ACAN: variants seen among roughly 807,000 people sequenced by gnomAD.
The protein encoded by ACAN is aggrecan, also known as aggrecan core protein.
In ACAN, 47 loss-of-function variants were observed where a neutral mutation model predicts 169.1. The ratio of observed to expected loss-of-function variants is 0.28; its 90% CI spans 0.22 to 0.35. The LOEUF (loss-of-function observed/expected upper bound fraction) is 0.35, where lower values mean the gene tolerates loss of function less well. ACAN is among the 10% of genes least tolerant of loss of function. The pLI is 1.00. For synonymous variants in ACAN, 1,115 were observed against 1,112.2 expected (o/e 1.00, Z -0.05); for missense variants, 2,716 against 2,759.9 (o/e 0.98, Z 0.36).
chr15:88,858,904 C>G lies in ACAN; in HGVS notation c.6319C>G (p.Pro2107Ala). 6.2e-7 allele frequency: 1 copy of G among 1,609,024 alleles called. No homozygotes were observed. ...ATCTAGCAGTGAGACGTCCGCCTAT[C>G]CTGAAGCTGGGTTCGGGGCATCTGC... Reference protein sequence around the residue: ...PESSSETSAYPEAGFGASAAP... With the variant: ...PESSSETSAYAEAGFGASAAP... Residue 2107 changes from proline (P) to alanine (A), a missense_variant, in exon 12 of 19, where the codon CCT (proline) becomes GCT (alanine). This residue lies in a region of ACAN where 1,389 missense variants were observed against 1,363.7 expected (regional missense o/e 1.02). Transcript: ENST00000560601. The surrounding 1 kb of genome is among the most constrained non-coding windows in gnomAD (Gnocchi z 4.0).
chr15:88,820,448 G>T lies in ACAN; in HGVS notation c.-7-15752G>T, dbSNP rs1567166644. Among the ~76,000 whole-genome samples, 3 of 152,274 alleles carry T rather than the reference G, an allele frequency of 2.0e-5. No individual in the cohort carries two copies. The Middle Eastern group carries it at 0.01, about 518-fold the overall frequency. ...AGAGCCTATTCATCACCTACAGAAT[G>T]AAGTCAATTTCTATAGCCCAATCTT... On this transcript the variant is annotated intron_variant, in intron 1 of 18. Coordinates refer to ENST00000560601, the MANE Select transcript of ACAN (RefSeq NM_001369268.1).
chr15:88,865,397 C>T (rs117285575), intron 13 of ACAN, among the ~76,000 whole-genome samples: 4 of 152,206 alleles, frequency 2.6e-5, no homozygotes, highest in Non-Finnish European at 4.4e-5. Context: ...CCAGGTTGGG[C>T]AAGTCACCTC....
At chr15:88,806,175 A>T (rs1254270491) in intron 1 of ACAN, among the ~76,000 whole-genome samples, 1 of 152,204 alleles carries the variant, frequency 6.6e-6, no homozygotes, top group Non-Finnish European at 1.5e-5. Context: ...TTTTGTGAAG[A>T]TTAAAAGACA....
At chr15:88,864,431 C>A (rs1897250496) in intron 13 of ACAN, among the ~76,000 whole-genome samples, 1 of 152,036 alleles carries the variant, frequency 6.6e-6, no homozygotes, top group Non-Finnish European at 1.5e-5. Flanking sequence ...CCACGCCTGC[C>A]TAATTTTTTG....
At chr15:88,835,891 G>A (rs1163136920) in intron 1 of ACAN, among the ~76,000 whole-genome samples, 4 of 152,118 alleles carry the variant, frequency 2.6e-5, no homozygotes, top group African/African-American at 9.7e-5. Flanking sequence ...GGTTGCCCCG[G>A]CCCAGTCAGG....
chr15:88,826,953 T>C (rs1308085698), intron 1 of ACAN, among the ~76,000 whole-genome samples: 1 of 152,222 alleles, frequency 6.6e-6, no homozygotes, highest in Non-Finnish European at 1.5e-5. Context: ...AGCCACTCAC[T>C]ATCTGTGTGA....
Position 88,826,279 on chromosome 15 carries a change from T to G in ACAN, c.-7-9921T>G, listed in dbSNP as rs73457598. Reference sequence around the variant, plus strand: ...TCAGAAATGACTTGATTAGAGCTCTTGAAAAAGCTCATCCTGAAAACCCCT... The same window carrying G: ...TCAGAAATGACTTGATTAGAGCTCTGGAAAAAGCTCATCCTGAAAACCCCT... On this transcript the variant is annotated intron_variant, in intron 1 of 18. Coordinates refer to ENST00000560601, the MANE Select transcript of ACAN (RefSeq NM_001369268.1). Among the ~76,000 whole-genome samples, 612 of 152,058 alleles carry G rather than the reference T, an allele frequency of 4.0e-3. 3 individuals carry two copies. The highest frequency in any genetic ancestry group is 0.014 in the African/African-American group (568 of 41,440).
rs139702762 is a variant in ACAN, at chr15:88,824,091, G to A, written c.-7-12109G>A. Among the ~76,000 whole-genome samples the A allele has an allele frequency of 4.2e-3, 638 of 152,174 alleles. 3 individuals are homozygous for A. The highest frequency in any genetic ancestry group is 4.4e-3 in the Non-Finnish European group (302 of 67,968). On this transcript the variant is annotated intron_variant, in intron 1 of 18. Coordinates refer to ENST00000560601, the MANE Select transcript of ACAN (RefSeq NM_001369268.1). ...TGTAATCCCAACACTTTGGGAGGCCGAGGCAGGCAGACCACGAGATCAGGA... is the reference window on the plus strand; with the variant it reads ...TGTAATCCCAACACTTTGGGAGGCCAAGGCAGGCAGACCACGAGATCAGGA...
chr15:88,875,256 C>T lies in ACAN; in HGVS notation c.*775C>T, dbSNP rs1435117740. ...ACCTTCTCCCCTCCCCACCCCCGCC[C>T]CCGGGACCGTGCAGGCACCAGGGTT... On this transcript the variant is annotated 3_prime_UTR_variant, in exon 19 of 19. Coordinates refer to ENST00000560601, the MANE Select transcript of ACAN (RefSeq NM_001369268.1). The surrounding 1 kb of genome is among the most constrained non-coding windows in gnomAD (Gnocchi z 4.8). The T allele has an allele frequency of 6.6e-6, 1 of 152,200 alleles. No homozygotes were observed. The highest frequency in any genetic ancestry group is 1.5e-5 in the Non-Finnish European group (1 of 68,138). The allele number at this position is 152,200 out of a possible 1,614,324, so 9.4% of individuals were successfully genotyped here.
Position 88,845,823 on chromosome 15 carries a change from C to G in ACAN, c.1370C>G (p.Thr457Ser). The stretch of plus-strand genomic sequence containing the variant: ...GGCCTGGGCCCTGCCACGGCATTCA[C>G]CAGTGAGGACCTCGTCGTGCAGGTG... ...TPGLGPATAF[T>S]SEDLVVQVTA... Residue 457 changes from threonine to serine, a missense_variant, in exon 7 of 19, where the codon ACC becomes AGC. Physicochemically the swap from Thr to Ser is moderately conservative, Grantham distance 58. Coordinates refer to ENST00000560601, the MANE Select transcript of ACAN (RefSeq NM_001369268.1). 6.6e-7 allele frequency: 1 copy of G among 1,522,280 alleles called. No homozygotes were observed. Among genetic ancestry groups the G allele is most frequent in the Non-Finnish European group, 8.8e-7 (1 of 1,133,736 alleles). The allele number at this position is 1,522,280 out of a possible 1,614,324, so 94.3% of individuals were successfully genotyped here.
chr15:88,838,889 C>G lies in ACAN; in HGVS notation c.297C>G (p.Ala99=). The G allele has an allele frequency of 6.2e-7, 1 of 1,614,066 alleles. No homozygotes were observed. Residue 99 remains alanine, a synonymous_variant, in exon 3 of 19, where the codon GCC becomes GCG. Coordinates refer to ENST00000560601, the MANE Select transcript of ACAN (RefSeq NM_001369268.1). The surrounding 1 kb of genome is among the most constrained non-coding windows in gnomAD (Gnocchi z 5.1). ...ATEGRVRVNS[A]YQDKVSLPNY... The stretch of plus-strand genomic sequence containing the variant: ...AAGGGCGCGTGCGGGTCAACAGTGC[C>G]TATCAGGACAAGGTCTCACTGCCCA...
rs1897126920 is a variant in ACAN, at chr15:88,858,815, G to C, written c.6230G>C (p.Gly2077Ala). The C allele has an allele frequency of 1.2e-6, 2 of 1,613,798 alleles. No homozygotes were observed. Among genetic ancestry groups the C allele is most frequent in the Non-Finnish European group, 1.7e-6 (2 of 1,179,838 alleles). The change falls in exon 12 of 19, where the codon GGG becomes GCG. Residue 2077 changes from glycine (G) to alanine (A), a missense_variant. By Grantham distance (60) the Gly-to-Ala change is moderately conservative. Around this residue, in one of 3 missense-constraint regions of ACAN, gnomAD observed 1,389 missense variants for 1,363.7 expected, o/e 1.02. Coordinates refer to ENST00000560601, the MANE Select transcript of ACAN (RefSeq NM_001369268.1). This position sits in a 1 kb window ranked among gnomAD's most constrained non-coding sequence, Gnocchi z 4.0. ...TCCAGTGGAAAAGTCTCCACAGCTGGGGACATTAGTGGAGCTACCCCAGTG... is the reference window on the plus strand; with the variant it reads ...TCCAGTGGAAAAGTCTCCACAGCTGCGGACATTAGTGGAGCTACCCCAGTG... ...FESSGKVSTA[G>A]DISGATPVLP...
At chr15:88,837,113 G>A (rs979171337) in intron 2 of ACAN, among the ~76,000 whole-genome samples, 2 of 152,214 alleles carry the variant, frequency 1.3e-5, no homozygotes, top group African/African-American at 2.4e-5. Flanking sequence ...ATCCTCCTAC[G>A]GGGACACCAT....
At chr15:88,847,747 G>A (rs1258619635) in intron 8 of ACAN, among the ~76,000 whole-genome samples, 164 bp from the exon 9 acceptor site, 1 of 152,178 alleles carries the variant, frequency 6.6e-6, no homozygotes, top group Non-Finnish European at 1.5e-5. Context: ...CCCCCAGGCT[G>A]CTCAGAGAAC....
At chr15:88,844,207 T>C (rs1043985108) in intron 6 of ACAN, among the ~76,000 whole-genome samples, 7 of 152,128 alleles carry the variant, frequency 4.6e-5, no homozygotes, top group African/African-American at 1.2e-4. Flanking sequence ...TAATCATAGC[T>C]TACTGCAGCC....
chr15:88,832,802 TCC>T (rs1312448087), intron 1 of ACAN, among the ~76,000 whole-genome samples: 1 of 152,118 alleles, frequency 6.6e-6, no homozygotes, highest in Non-Finnish European at 1.5e-5. Context: ...TCTCTTCCAA[TCC>T]CCCAGTTCTG....
At position 88,849,312 on chromosome 15, in the gene ACAN, G is replaced by C; in HGVS notation, c.1733-126G>C. On this transcript the variant is annotated intron_variant, in intron 9 of 18. Transcript: ENST00000560601. The surrounding 1 kb of genome is among the most constrained non-coding windows in gnomAD (Gnocchi z 5.1). ...CTAAGGGGGAGTGGTCAAAAAAGGG[G>C]TGATGGAGCTGGGCTGGGTCTTAGC... 1 of 926,590 alleles carries C rather than the reference G, an allele frequency of 1.1e-6. No homozygotes were observed. Among genetic ancestry groups the C allele is most frequent in the Non-Finnish European group, 1.6e-6 (1 of 641,292 alleles). The allele number at this position is 926,590 out of a possible 1,614,324, so 57.4% of individuals were successfully genotyped here.
rs189855701 is a variant in ACAN at position 88,874,680 on chromosome 15, G to A, written c.*199G>A. On this transcript the variant is annotated 3_prime_UTR_variant, in exon 19 of 19. Transcript: ENST00000560601. This position sits in a 1 kb window ranked among gnomAD's most constrained non-coding sequence, Gnocchi z 7.3. The stretch of plus-strand genomic sequence containing the variant: ...CAGCAAAACCGCATCTAATTTGTCC[G>A]CCGAATGCCAAAGCAAAGCAAACTT... 8 of 674,036 alleles carry A rather than the reference G, an allele frequency of 1.2e-5. No individual in the cohort carries two copies. The highest frequency in any genetic ancestry group is 3.5e-5 in the African/African-American group (2 of 56,418). 41.8% of individuals were successfully genotyped at this position (674,036 alleles called of 1,614,324 possible). A position where few individuals can be genotyped will look rare whatever the true frequency, so the allele number is the denominator to read the frequency against.
intron 4 of ACAN, among the ~76,000 whole-genome samples, chr15:88,840,465 T>C (rs949626942): frequency 1.3e-5 from 2 of 152,232 alleles, no homozygotes; most frequent in Non-Finnish European, 2.9e-5. Context: ...TTCTTTGCCA[T>C]GATTTCCTCA....
Sources: allele counts gnomAD v4.1 joint callset (sites outside exome capture counted in the v4.1 genomes callset), GRCh38; gene constraint gnomAD v4.1.1; regional missense constraint gnomAD v4.1.1; non-coding constraint Gnocchi (gnomAD v3.1); transcripts MANE v1.5; gene names NCBI Gene and HGNC (gene_info 2026-07-23, HGNC 2026-07-21).